Variants in MSANTD2 observed in about 807,000 individuals in gnomAD.
MSANTD2 encodes myb/SANT-like DNA-binding domain-containing protein 2.
In MSANTD2, 19 loss-of-function variants were observed where a neutral mutation model predicts 52.6. That is an observed-to-expected ratio of 0.36 (90% CI 0.25 to 0.53). The LOEUF is 0.53. Among genes scored for constraint, MSANTD2 ranks in the 20% least tolerant of loss-of-function variants. MSANTD2 has a pLI of 0.91. For missense variants in MSANTD2, 558 were observed against 716.3 expected (o/e 0.78, Z 2.52); for synonymous variants, 291 against 289.7 (o/e 1.00, Z -0.04).
Position 124,767,001 on chromosome 11 carries a change from T to C in MSANTD2, c.*175A>G, listed in dbSNP as rs914287542. 3.8e-5 allele frequency: 23 copies of C among 612,168 alleles called. No homozygotes were observed. The African/African-American group carries it at 4.3e-4, about 11-fold the overall frequency. 37.9% of individuals were successfully genotyped at this position (612,168 alleles called of 1,614,324 possible). A position where few individuals can be genotyped will look rare whatever the true frequency, so the allele number is the denominator to read the frequency against. Reference sequence around the variant, plus strand: ...TCAAAATGAGCATTTTCAGGTGAGGTCTGTTTTTTCTGGCCCAAGTCTACT... The same window carrying C: ...TCAAAATGAGCATTTTCAGGTGAGGCCTGTTTTTTCTGGCCCAAGTCTACT... On this transcript the variant is annotated 3_prime_UTR_variant, in exon 4 of 4. Coordinates refer to ENST00000374979, the MANE Select transcript of MSANTD2 (RefSeq NM_001308027.2). This position sits in a 1 kb window ranked among gnomAD's most constrained non-coding sequence, Gnocchi z 6.5.
At chr11:124,780,377 C>A (rs993235279) in intron 1 of MSANTD2, among the ~76,000 whole-genome samples, 8 of 152,172 alleles carry the variant, frequency 5.3e-5, no homozygotes, top group African/African-American at 1.9e-4. Flanking sequence ...TTAAAACCAA[C>A]CAAACAAAAA....
chr11:124,767,013 G>T lies in MSANTD2; in HGVS notation c.*163C>A, dbSNP rs1944324046. The T allele has an allele frequency of 5.8e-6, 4 of 690,220 alleles. No individual in the cohort carries two copies. Among genetic ancestry groups the T allele is most frequent in the East Asian group, 5.4e-5 (2 of 37,106 alleles). The allele number at this position is 690,220 out of a possible 1,614,324, so 42.8% of individuals were successfully genotyped here. A position where few individuals can be genotyped will look rare whatever the true frequency, so the allele number is the denominator to read the frequency against. ...TTTTCAGGTGAGGTCTGTTTTTTCT[G>T]GCCCAAGTCTACTATGATTCCTTAG... On this transcript the variant is annotated 3_prime_UTR_variant, in exon 4 of 4. Coordinates refer to ENST00000374979, the MANE Select transcript of MSANTD2 (RefSeq NM_001308027.2). The surrounding 1 kb of genome is among the most constrained non-coding windows in gnomAD (Gnocchi z 6.5).
chr11:124,767,454 C>T lies in MSANTD2; in HGVS notation c.1402G>A (p.Glu468Lys), dbSNP rs1483292776. The T allele has an allele frequency of 2.6e-5, 42 of 1,614,080 alleles. No individual in the cohort carries two copies. Among genetic ancestry groups the T allele is most frequent in the Non-Finnish European group, 3.6e-5 (42 of 1,180,052 alleles). Reference sequence around the variant, plus strand: ...TAGCAATAGATAATTCGGGTGGGTTCTATTTCCACCTGTAATGAGGCTTGT... The same window carrying T: ...TAGCAATAGATAATTCGGGTGGGTTTTATTTCCACCTGTAATGAGGCTTGT... ...SAQASLQVEI[E>K]PTRIIYCYLG... The change falls in exon 4 of 4, where the codon GAA (glutamate) becomes AAA (lysine). Residue 468 changes from glutamate to lysine, a missense_variant. Physicochemically the swap from Glu to Lys is moderately conservative, Grantham distance 56. Coordinates refer to ENST00000374979, the MANE Select transcript of MSANTD2 (RefSeq NM_001308027.2). This position sits in a 1 kb window ranked among gnomAD's most constrained non-coding sequence, Gnocchi z 6.5.
chr11:124,796,712 T>C (rs188088419), intron 1 of MSANTD2, among the ~76,000 whole-genome samples: 9 of 152,386 alleles, frequency 5.9e-5, no homozygotes, highest in Non-Finnish European at 1.3e-4. Flanking sequence ...TGAGTTCACA[T>C]GTACTTTAGT....
At chr11:124,794,804 A>T (rs994997253) in intron 1 of MSANTD2, among the ~76,000 whole-genome samples, 2 of 152,212 alleles carry the variant, frequency 1.3e-5, no homozygotes, top group Non-Finnish European at 1.5e-5. Context: ...ACAATTACTG[A>T]TGAATAAATC....
intron 1 of MSANTD2, chr11:124,790,979 C>A: frequency 2.8e-6 from 1 of 358,232 alleles, no homozygotes; most frequent in Non-Finnish European, 5.3e-6. Flanking sequence ...TCTTCTAGTC[C>A]TCTTTTATTT....
At chr11:124,778,177 C>T (rs1230450999) in intron 1 of MSANTD2, among the ~76,000 whole-genome samples, 1 of 152,152 alleles carries the variant, frequency 6.6e-6, no homozygotes, top group Non-Finnish European at 1.5e-5. Flanking sequence ...AACGAAGCCT[C>T]AATTCCCATT....
intron 1 of MSANTD2, chr11:124,789,822 C>T (rs967119272): frequency 3.9e-5 from 6 of 152,184 alleles, no homozygotes; most frequent in South Asian, 2.1e-4. Flanking sequence ...ATAAGAGGCA[C>T]AGATCCACTA....
At position 124,794,842 on chromosome 11, in the gene MSANTD2, T is replaced by C. The variant is rs889348247; in HGVS notation, c.510+5029A>G. ...AGCAATGTCCCCAGAAAATTAATCA[T>C]TTTGTTCTCTGGGCAGAAGACTCTT... On this transcript the variant is annotated intron_variant, in intron 1 of 3. Transcript: ENST00000374979. Among the ~76,000 whole-genome samples the C allele has an allele frequency of 1.0e-3, 156 of 152,298 alleles. 4 individuals are homozygous for C. Among genetic ancestry groups the C allele is most frequent in the South Asian group, 4.1e-4 (2 of 4,826 alleles).
intron 3 of MSANTD2, among the ~76,000 whole-genome samples, chr11:124,769,783 T>C (rs576923614): frequency 3.5e-4 from 53 of 152,334 alleles, no homozygotes; most frequent in African/African-American, 1.2e-3. Context: ...TTTTTCAGCA[T>C]TGTCATGGCA....
At chr11:124,799,623 T>TC (rs112080215) in intron 1 of MSANTD2, among the ~76,000 whole-genome samples, 152,338 of 152,348 alleles carry the variant, frequency 1, 76,164 homozygotes, top group Middle Eastern at 1. Flanking sequence ...CGCAGGAACA[T>TC]CTCAATTGGC....
At position 124,798,812 on chromosome 11, in the gene MSANTD2, A is replaced by G. The variant is rs184029925; in HGVS notation, c.510+1059T>C. 9.8e-4 allele frequency among the ~76,000 whole-genome samples: 150 copies of G among 152,326 alleles called. 2 individuals carry two copies. Among genetic ancestry groups the G allele is most frequent in the Admixed American group, 9.8e-3 (150 of 15,302 alleles). On this transcript the variant is annotated intron_variant, in intron 1 of 3. Coordinates refer to ENST00000374979, the MANE Select transcript of MSANTD2 (RefSeq NM_001308027.2). The stretch of plus-strand genomic sequence containing the variant: ...ATCCCCCCTCAAGAAGTTCCCAGAA[A>G]AAGTGCCAGCTGTATCAGAAAAGAA...
intron 1 of MSANTD2, among the ~76,000 whole-genome samples, chr11:124,798,553 A>G (rs1223387200): frequency 6.6e-6 from 1 of 152,200 alleles, no homozygotes; most frequent in African/African-American, 2.4e-5. Flanking sequence ...GTAATGGAGT[A>G]ATTAATGGGT....
At chr11:124,798,899 T>C (rs1364691008) in intron 1 of MSANTD2, among the ~76,000 whole-genome samples, 1 of 152,218 alleles carries the variant, frequency 6.6e-6, no homozygotes, top group Non-Finnish European at 1.5e-5. Flanking sequence ...ACAATCTTTT[T>C]AGCAGCCACT....
At chr11:124,791,966 A>G in intron 1 of MSANTD2, 1 of 231,358 alleles carries the variant, frequency 4.3e-6, no homozygotes, top group Non-Finnish European at 8.6e-6. Flanking sequence ...TTTACAAAGC[A>G]CTTAGAATAG....
At chr11:124,792,402 TTTTAAACAGCTGAACACTG>T (rs1945361734) in intron 1 of MSANTD2, 1 of 152,250 alleles carries the variant, frequency 6.6e-6, no homozygotes, top group African/African-American at 2.4e-5. Context: ...AAGCATGACT[TTTTAAACAGCTGAACACTG>T]TTTGGATGCT....
At chr11:124,798,131 G>A (rs554565210) in intron 1 of MSANTD2, among the ~76,000 whole-genome samples, 1 of 151,568 alleles carries the variant, frequency 6.6e-6, no homozygotes, top group South Asian at 2.1e-4. Flanking sequence ...GGCTGGGCAC[G>A]GTGGCTCACG....
chr11:124,784,755 C>T, intron 1 of MSANTD2: 1 of 805,192 alleles, frequency 1.2e-6, no homozygotes, highest in African/African-American at 1.9e-5. Flanking sequence ...AGATTTTACA[C>T]ATTTGGTTAT....
chr11:124,800,019 A>G lies in MSANTD2; in HGVS notation c.362T>C (p.Leu121Pro). Residue 121 changes from leucine (L) to proline (P), a missense_variant, in exon 1 of 4, where the codon CTG becomes CCG. Physicochemically the swap from Leu to Pro is moderately conservative, Grantham distance 98. Coordinates refer to ENST00000374979, the MANE Select transcript of MSANTD2 (RefSeq NM_001308027.2). This position sits in a 1 kb window ranked among gnomAD's most constrained non-coding sequence, Gnocchi z 4.3. ...CAGCTGCTGGTACCGCGCCTCCACC[A>G]GCCGCTCGTTGCCCCACACTGCGAT... ...ALIAVWGNER[L>P]VEARYQQLEG... 1.3e-6 allele frequency: 2 copies of G among 1,582,224 alleles called. No individual in the cohort carries two copies. The highest frequency in any genetic ancestry group is 2.1e-4 in the Middle Eastern group (1 of 4,652).
Sources: gnomAD v4.1 joint callset for allele counts (sites outside exome capture counted in the v4.1 genomes callset) on GRCh38, gnomAD v4.1.1 for gene constraint, Gnocchi (gnomAD v3.1) non-coding constraint, MANE v1.5 for transcripts, NCBI Gene and HGNC (gene_info 2026-07-23, HGNC 2026-07-21) for gene names.